Variants in NTNG1 observed in about 807,000 individuals in gnomAD.
NTNG1 encodes netrin G1, also known as netrin-G1.
Under a neutral mutation model 54.0 loss-of-function variants are expected in NTNG1, and 16 were observed. The ratio of observed to expected loss-of-function variants is 0.30; its 90% CI spans 0.20 to 0.45. The LOEUF (loss-of-function observed/expected upper bound fraction) is 0.45, where lower values mean the gene tolerates loss of function less well. NTNG1 is among the 20% of genes least tolerant of loss of function. The pLI, the probability that NTNG1 is intolerant of heterozygous loss-of-function variation, is 1.00. For missense variants in NTNG1, 530 were observed against 678.7 expected, an observed-to-expected ratio of 0.78 and a Z score of 2.43; for synonymous variants, 255 against 263.1, an observed-to-expected ratio of 0.97 and a Z score of 0.30.
chr1:107,396,398 T>G (rs2101094634), intron 4 of NTNG1, among the ~76,000 whole-genome samples: 1 of 152,266 alleles, frequency 6.6e-6, no homozygotes, highest in African/African-American at 2.4e-5. Flanking sequence ...GGCATGAAAT[T>G]ATGATAACAT....
intron 5 of NTNG1, among the ~76,000 whole-genome samples, chr1:107,411,618 C>A (rs1321164328): frequency 6.6e-6 from 1 of 152,026 alleles, no homozygotes; most frequent in Non-Finnish European, 1.5e-5. Flanking sequence ...TTTAATACTT[C>A]TAAATCCCCC....
intron 5 of NTNG1, among the ~76,000 whole-genome samples, chr1:107,412,387 G>A (rs499414): frequency 0.95 from 144,520 of 152,228 alleles, 69,063 homozygotes; most frequent in East Asian, 1. Flanking sequence ...ACAGAATTCT[G>A]TTTTACAAAT....
intron 7 of NTNG1, among the ~76,000 whole-genome samples, chr1:107,460,598 T>C (rs1392413321): frequency 1.3e-5 from 2 of 152,224 alleles, no homozygotes; most frequent in Non-Finnish European, 2.9e-5. Context: ...AAATAATAGC[T>C]GTAATTATTC....
intron 3 of NTNG1, among the ~76,000 whole-genome samples, chr1:107,365,816 A>G (rs1670562579): frequency 6.6e-6 from 1 of 152,214 alleles, no homozygotes; most frequent in South Asian, 2.1e-4. Flanking sequence ...TTTTAAGCAT[A>G]CCACTGTTAT....
At chr1:107,153,976 T>TG (rs1654778352) in intron 2 of NTNG1, among the ~76,000 whole-genome samples, 1 of 152,210 alleles carries the variant, frequency 6.6e-6, no homozygotes, top group South Asian at 2.1e-4. Context: ...TGCTCTTTGT[T>TG]GAGCTAATGC....
intron 3 of NTNG1, among the ~76,000 whole-genome samples, chr1:107,350,276 G>A (rs1359865651): frequency 6.6e-6 from 1 of 151,886 alleles, no homozygotes; most frequent in Non-Finnish European, 1.5e-5. Context: ...TATATAATCA[G>A]GATTCTAATT....
In NTNG1 at chr1:107,185,301, C is replaced by A. The variant is rs11185067; in HGVS notation, c.246+36462C>A. Among the ~76,000 whole-genome samples the A allele has an allele frequency of 7.2e-3, 1,101 of 152,290 alleles. 13 individuals are homozygous for A. Among genetic ancestry groups the A allele is most frequent in the African/African-American group, 0.025 (1,043 of 41,550 alleles). ...CAAAGTGTTGGCAGGACTGCACTCC[C>A]TGTGAAGGCTCTGGGGAAGAATCCT... On this transcript the variant is annotated intron_variant, in intron 2 of 7. Transcript: ENST00000370068.
At chr1:107,141,751 G>T (rs952913681) in intron 1 of NTNG1, among the ~76,000 whole-genome samples, 4 of 152,166 alleles carry the variant, frequency 2.6e-5, no homozygotes, top group Non-Finnish European at 5.9e-5. Context: ...CAGGCGTGGG[G>T]TCTGAGCCTC....
chr1:107,428,475 G>T (rs1675039994), intron 5 of NTNG1, among the ~76,000 whole-genome samples: 1 of 152,026 alleles, frequency 6.6e-6, no homozygotes, highest in Admixed American at 6.6e-5. Context: ...GCACATAAAA[G>T]ATGCTTTTGA....
chr1:107,407,982 TTAGA>T (rs1397623018), intron 5 of NTNG1: 44 of 650,486 alleles, frequency 6.8e-5, no homozygotes, highest in Non-Finnish European at 1.1e-4. Context: ...GTGCAATTCC[TTAGA>T]TAATCATCAT....
chr1:107,394,630 G>A (rs1672566443), intron 3 of NTNG1, among the ~76,000 whole-genome samples: 1 of 152,180 alleles, frequency 6.6e-6, no homozygotes, highest in South Asian at 2.1e-4. Flanking sequence ...TGCAGAATGA[G>A]AACACTTGAT....
intron 7 of NTNG1, among the ~76,000 whole-genome samples, chr1:107,474,126 T>C (rs1015933339): frequency 2.0e-5 from 3 of 152,224 alleles, no homozygotes; most frequent in African/African-American, 7.2e-5. Context: ...GAAATCTGTC[T>C]AGCAAATAAC....
At chr1:107,207,719 C>T (rs947417246) in intron 2 of NTNG1, among the ~76,000 whole-genome samples, 4 of 152,158 alleles carry the variant, frequency 2.6e-5, no homozygotes, top group East Asian at 1.9e-4. Flanking sequence ...TGATGATTCA[C>T]GTGCCCATTT....
chr1:107,389,290 A>G (rs201426976), intron 3 of NTNG1, among the ~76,000 whole-genome samples: 1 of 152,186 alleles, frequency 6.6e-6, no homozygotes, highest in East Asian at 1.9e-4. Context: ...TTTTCTTCAC[A>G]AAGGGACATT....
At chr1:107,302,519 C>G (rs571538881) in intron 2 of NTNG1, among the ~76,000 whole-genome samples, 3 of 151,730 alleles carry the variant, frequency 2.0e-5, no homozygotes, top group African/African-American at 7.3e-5. Context: ...TTTTACAATT[C>G]AATAAAATCA....
chr1:107,406,947 G>C (rs1336588078), intron 4 of NTNG1, among the ~76,000 whole-genome samples: 1 of 152,112 alleles, frequency 6.6e-6, no homozygotes, highest in African/African-American at 2.4e-5. Flanking sequence ...GTTAGATACA[G>C]ACTAAATTCA....
intron 2 of NTNG1, among the ~76,000 whole-genome samples, chr1:107,251,344 A>G (rs1479596380): frequency 6.6e-6 from 1 of 152,144 alleles, no homozygotes; most frequent in East Asian, 1.9e-4. Context: ...TCTCCCCCTC[A>G]CATACAATTA....
Position 107,480,914 on chromosome 1 carries a change from A to G in NTNG1, c.*74A>G, listed in dbSNP as rs1678670746. On this transcript the variant is annotated 3_prime_UTR_variant, in exon 8 of 8. Transcript: ENST00000370068. ...CACAACCCAAACATTTGCTACTAAC[A>G]TAGGAAACACACACATACAGACACC... The G allele has an allele frequency of 8.7e-7, 1 of 1,154,928 alleles. No homozygotes were observed. The highest frequency in any genetic ancestry group is 1.3e-6 in the Non-Finnish European group (1 of 799,396). 71.5% of individuals were successfully genotyped at this position (1,154,928 alleles called of 1,614,324 possible). A position where few individuals can be genotyped will look rare whatever the true frequency, so the allele number is the denominator to read the frequency against.
chr1:107,475,154 A>G (rs1284544947), intron 7 of NTNG1, among the ~76,000 whole-genome samples: 1 of 152,242 alleles, frequency 6.6e-6, no homozygotes, highest in Non-Finnish European at 1.5e-5. Context: ...TAGTCAATAC[A>G]GCTGCAAATC....
Sources: gnomAD v4.1 joint callset for allele counts (sites outside exome capture counted in the v4.1 genomes callset) on GRCh38, gnomAD v4.1.1 for gene constraint, MANE v1.5 for transcripts, NCBI Gene and HGNC (gene_info 2026-07-23, HGNC 2026-07-21) for gene names.